The following CTIF variants were observed in gnomAD, a reference collection of about 807,000 sequenced individuals.
The protein encoded by CTIF is CBP80/20-dependent translation initiation factor.
CTIF carries 21 observed loss-of-function variants against 66.0 expected under a neutral mutation model. The observed-to-expected ratio is 0.32, with a 90% CI of 0.23 to 0.46. The LOEUF is 0.46. Among genes scored for constraint, CTIF ranks in the 20% least tolerant of loss-of-function variants. The pLI is 1.00. For missense variants in CTIF, 739 were observed against 812.7 expected, an observed-to-expected ratio of 0.91 and a Z score of 1.10; for synonymous variants, 345 against 326.4, an observed-to-expected ratio of 1.06 and a Z score of -0.62.
At chr18:48,635,327 C>CTTT (rs561455888) in intron 2 of CTIF, among the ~76,000 whole-genome samples, 36 of 113,358 alleles carry the variant, frequency 3.2e-4, no homozygotes, top group South Asian at 2.7e-3. Flanking sequence ...CTTTTTCTTT[C>CTTT]TTTTTTTTTT....
intron 9 of CTIF, among the ~76,000 whole-genome samples, chr18:48,775,158 C>T (rs72913710): frequency 0.049 from 7,422 of 152,228 alleles, 197 homozygotes; most frequent in Middle Eastern, 0.082. Flanking sequence ...AACTGGTTGA[C>T]TCTGGGTGGA....
At chr18:48,551,625 A>T (rs1405309306) in intron 1 of CTIF, among the ~76,000 whole-genome samples, 2 of 152,024 alleles carry the variant, frequency 1.3e-5, no homozygotes, top group Admixed American at 6.6e-5. Context: ...GATACACCTG[A>T]AAAGTTAGCA....
chr18:48,849,775 G>A (rs1341507137), intron 10 of CTIF, among the ~76,000 whole-genome samples: 4 of 151,660 alleles, frequency 2.6e-5, no homozygotes, highest in African/African-American at 7.3e-5. Context: ...TAATAGAGAC[G>A]GGGTTTCACC....
At position 48,755,078 on chromosome 18, in the gene CTIF, G is replaced by T. The variant is rs75051144; in HGVS notation, c.585-2841G>T. ...TCAAGACGGATGTTGGGAAGGGCTT[G>T]GTCAACCATCCTTTGGGGACATTTC... On this transcript the variant is annotated intron_variant, in intron 7 of 11. Transcript: ENST00000256413. Among the ~76,000 whole-genome samples the T allele has an allele frequency of 4.2e-4, 64 of 152,282 alleles. 1 individual carries two copies. The East Asian group carries it at 0.01, about 25-fold the overall frequency.
chr18:48,709,576 G>T (rs574681825), intron 6 of CTIF, among the ~76,000 whole-genome samples: 30 of 152,356 alleles, frequency 2.0e-4, no homozygotes, highest in Non-Finnish European at 3.2e-4. Context: ...GCCGCCGCCG[G>T]TAGGGAGCCT....
At chr18:48,859,274 A>G in intron 11 of CTIF, 70 bp from the exon 12 acceptor site, 2 of 1,339,446 alleles carry the variant, frequency 1.5e-6, no homozygotes, top group African/African-American at 1.4e-5. Context: ...ATCCCTGCCC[A>G]CCTAATCAGG....
intron 7 of CTIF, among the ~76,000 whole-genome samples, chr18:48,717,405 ATAAAT>A (rs992700990): frequency 3.6e-5 from 4 of 111,152 alleles, no homozygotes; most frequent in African/African-American, 1.7e-4. Flanking sequence ...TCTTTAAAAA[ATAAAT>A]AAATAAATAA....
In CTIF at chr18:48,737,164, G is replaced by A. The variant is rs112024844; in HGVS notation, c.585-20755G>A. ...AGTTGGCTAGTTCTGTGGCTTGGCC[G>A]GGAGTGGGTTTGGGTCAGCTTCTGC... On this transcript the variant is annotated intron_variant, in intron 7 of 11. Transcript: ENST00000256413. 9.8e-4 allele frequency among the ~76,000 whole-genome samples: 149 copies of A among 152,214 alleles called. 1 individual carries two copies. The highest frequency in any genetic ancestry group is 4.8e-3 in the South Asian group (23 of 4,824).
intron 1 of CTIF, among the ~76,000 whole-genome samples, chr18:48,603,846 G>GA (rs1249870058): frequency 5.7e-5 from 8 of 140,472 alleles, no homozygotes. Flanking sequence ...TAGACTCAGT[G>GA]AAATTTTTTT....
chr18:48,694,005 C>T (rs1462151611), intron 6 of CTIF, among the ~76,000 whole-genome samples: 1 of 152,228 alleles, frequency 6.6e-6, no homozygotes, highest in African/African-American at 2.4e-5. Flanking sequence ...ACATTTTGGA[C>T]TTTGTGTAAA....
intron 9 of CTIF, among the ~76,000 whole-genome samples, chr18:48,763,486 C>T (rs1329686709): frequency 2.0e-5 from 3 of 152,262 alleles, no homozygotes; most frequent in Non-Finnish European, 4.4e-5. Context: ...TTAGGACAGG[C>T]TCCAGATGTC....
chr18:48,793,238 G>A (rs927817557), intron 9 of CTIF, among the ~76,000 whole-genome samples: 3 of 152,206 alleles, frequency 2.0e-5, no homozygotes, highest in Admixed American at 6.5e-5. Context: ...AAATCAGGAG[G>A]CTCCTGCCAG....
rs770184157 is a variant in CTIF at position 48,859,436 on chromosome 18, G to A, written c.1674G>A (p.Ser558=). ...ASARDKMLCP[S]ESMLTRSLLL... is the part of the protein sequence containing the mutation. ...CACGGGACAAGATGCTGTGCCCCTC[G>A]GAGTCCATGCTGACCCGGTCGCTGC... The change falls in exon 12 of 12, where the codon TCG becomes TCA. Residue 558 remains serine (S), a synonymous_variant. Coordinates refer to ENST00000256413, the MANE Select transcript of CTIF (RefSeq NM_014772.3). The A allele has an allele frequency of 2.2e-5, 36 of 1,614,028 alleles. No homozygotes were observed. The highest frequency in any genetic ancestry group is 2.9e-5 in the Non-Finnish European group (34 of 1,180,030).
chr18:48,556,675 G>T (rs924266505), intron 1 of CTIF, among the ~76,000 whole-genome samples: 13 of 152,108 alleles, frequency 8.5e-5, no homozygotes, highest in African/African-American at 3.1e-4. Flanking sequence ...AGCGATTCTT[G>T]TGCTTCAGCC....
chr18:48,767,164 G>C (rs1055069123), intron 9 of CTIF, among the ~76,000 whole-genome samples: 5 of 152,182 alleles, frequency 3.3e-5, no homozygotes, highest in African/African-American at 1.2e-4. Flanking sequence ...CGACTTCCAG[G>C]AGAATGTGGG....
At position 48,552,969 on chromosome 18, in the gene CTIF, C is replaced by T. The variant is rs557752040; in HGVS notation, c.-29+13657C>T. 2.0e-5 allele frequency among the ~76,000 whole-genome samples: 3 copies of T among 152,300 alleles called. No homozygotes were observed. The South Asian group carries it at 6.2e-4, about 32-fold the overall frequency. On this transcript the variant is annotated intron_variant, in intron 1 of 11. Transcript: ENST00000256413. The stretch of plus-strand genomic sequence containing the variant: ...CGATATAATACTAAAGTCTCTGATC[C>T]TCTCATTCTGAGGTTCCCAGTGCCC...
intron 10 of CTIF, among the ~76,000 whole-genome samples, chr18:48,847,243 G>A (rs1455367520): frequency 6.6e-6 from 1 of 150,424 alleles, no homozygotes; most frequent in Non-Finnish European, 1.5e-5. Flanking sequence ...GGGAAGCAGA[G>A]GTTGCAGTGA....
rs138148822 is a variant in CTIF at position 48,705,910 on chromosome 18, G to A, written c.508-5709G>A. Among the ~76,000 whole-genome samples the A allele has an allele frequency of 2.9e-3, 439 of 152,266 alleles. 1 individual carries two copies. Among genetic ancestry groups the A allele is most frequent in the Non-Finnish European group, 2.9e-3 (200 of 68,020 alleles). On this transcript the variant is annotated intron_variant, in intron 6 of 11. Coordinates refer to ENST00000256413, the MANE Select transcript of CTIF (RefSeq NM_014772.3). ...AGGCGCCCGTTCAACTTCAACTATC[G>A]CACATGGCACATATCAGCTTCTTTG...
chr18:48,641,842 C>A (rs2090939198), intron 3 of CTIF, among the ~76,000 whole-genome samples: 1 of 152,224 alleles, frequency 6.6e-6, no homozygotes, highest in South Asian at 2.1e-4. Context: ...CCTTTGCCAA[C>A]CTTCAGGCCA....
Sources: allele counts gnomAD v4.1 joint callset (sites outside exome capture counted in the v4.1 genomes callset), GRCh38; gene constraint gnomAD v4.1.1; transcripts MANE v1.5; gene names NCBI Gene and HGNC (gene_info 2026-07-23, HGNC 2026-07-21).